The following CTNND2 variants were observed in gnomAD, a reference collection of about 807,000 sequenced individuals.
CTNND2 encodes catenin delta 2, also known as catenin delta-2.
In CTNND2, 22 loss-of-function variants were observed where a neutral mutation model predicts 144.4. The observed-to-expected ratio is 0.15, with a 90% CI of 0.11 to 0.22. The LOEUF (loss-of-function observed/expected upper bound fraction) is 0.22. Among genes scored for constraint, CTNND2 ranks in the 10% least tolerant of loss-of-function variants. CTNND2 has a pLI of 1.00. For synonymous variants in CTNND2, 751 were observed against 695.6 expected (o/e 1.08, Z -1.25); for missense variants, 1,353 against 1,618.8 (o/e 0.84, Z 2.82).
chr5:11,256,156 C>T (rs1249223804), intron 9 of CTNND2, among the ~76,000 whole-genome samples: 1 of 152,176 alleles, frequency 6.6e-6, no homozygotes, highest in Admixed American at 6.5e-5. Flanking sequence ...GCTAACTTGG[C>T]CCCATCTCCT....
At chr5:11,716,326 GA>G (rs1786349354) in intron 2 of CTNND2, among the ~76,000 whole-genome samples, 1 of 152,130 alleles carries the variant, frequency 6.6e-6, no homozygotes, top group Non-Finnish European at 1.5e-5. Context: ...ATAATTGAGG[GA>G]TGTTAACAAA....
chr5:11,265,654 CA>C (rs1745358008), intron 9 of CTNND2, among the ~76,000 whole-genome samples: 1 of 150,752 alleles, frequency 6.6e-6, no homozygotes, highest in African/African-American at 2.4e-5. Flanking sequence ...TTAAGTTGTC[CA>C]AAATCAGTTG....
At chr5:11,270,267 C>A (rs890263518) in intron 9 of CTNND2, among the ~76,000 whole-genome samples, 1 of 151,918 alleles carries the variant, frequency 6.6e-6, no homozygotes, top group Non-Finnish European at 1.5e-5. Flanking sequence ...CACACACACA[C>A]ATATATAATA....
At chr5:11,078,522 G>A (rs61750276) in intron 16 of CTNND2, among the ~76,000 whole-genome samples, 11,585 of 152,156 alleles carry the variant, frequency 0.076, 577 homozygotes, top group Non-Finnish European at 0.1. Flanking sequence ...TCCTGTCTCC[G>A]AGAGAAGACT....
intron 1 of CTNND2, among the ~76,000 whole-genome samples, chr5:11,796,047 C>T (rs1199826044): frequency 6.6e-6 from 1 of 152,202 alleles, no homozygotes; most frequent in East Asian, 1.9e-4. Flanking sequence ...CCAGCAATGG[C>T]AGGTTGAGTC....
intron 12 of CTNND2, among the ~76,000 whole-genome samples, chr5:11,149,642 C>T (rs1331034119): frequency 6.6e-6 from 1 of 152,234 alleles, no homozygotes; most frequent in South Asian, 2.1e-4. Flanking sequence ...TACGGAAAGA[C>T]AGTGAAGGAC....
intron 1 of CTNND2, among the ~76,000 whole-genome samples, chr5:11,898,735 A>G (rs1269264839): frequency 6.6e-6 from 1 of 152,212 alleles, no homozygotes. Context: ...TTATCATAAC[A>G]TGTATTTTGC....
chr5:11,851,239 A>G, intron 1 of CTNND2, among the ~76,000 whole-genome samples: 1 of 142,584 alleles, frequency 7.0e-6, no homozygotes, highest in Middle Eastern at 3.5e-3. Flanking sequence ...TTAAAATAAT[A>G]TTCATATTAT....
At chr5:11,902,516 T>A (rs1216499831) in intron 1 of CTNND2, among the ~76,000 whole-genome samples, 1 of 152,144 alleles carries the variant, frequency 6.6e-6, no homozygotes, top group Admixed American at 6.5e-5. Context: ...CAGCCCCTGA[T>A]GAAGTATGCA....
chr5:11,804,613 T>A (rs938209901), intron 1 of CTNND2, among the ~76,000 whole-genome samples: 1 of 152,148 alleles, frequency 6.6e-6, no homozygotes, highest in Non-Finnish European at 1.5e-5. Context: ...ACATACCGAA[T>A]GATTCCAATT....
intron 3 of CTNND2, among the ~76,000 whole-genome samples, chr5:11,446,775 A>T (rs1271258639): frequency 6.6e-6 from 1 of 152,296 alleles, no homozygotes; most frequent in East Asian, 1.9e-4. Context: ...GATGAGTTAC[A>T]GAAGGAGCAA....
At chr5:11,623,633 GA>G (rs2126436574) in intron 2 of CTNND2, among the ~76,000 whole-genome samples, 1 of 151,384 alleles carries the variant, frequency 6.6e-6, no homozygotes, top group East Asian at 1.9e-4. Flanking sequence ...AAAGGATGCA[GA>G]AAAATCTTCA....
chr5:11,215,096 C>T (rs947865342), intron 10 of CTNND2, among the ~76,000 whole-genome samples: 4 of 152,170 alleles, frequency 2.6e-5, no homozygotes, highest in Admixed American at 1.3e-4. Flanking sequence ...TCCATGTCAT[C>T]TTTAGACTGA....
In CTNND2 at chr5:11,903,704, C is replaced by T; in HGVS notation, c.37+113G>A. On this transcript the variant is annotated intron_variant, in intron 1 of 21. Coordinates refer to ENST00000304623, the MANE Select transcript of CTNND2 (RefSeq NM_001332.4). The surrounding 1 kb of genome is among the most constrained non-coding windows in gnomAD (Gnocchi z 5.4). ...CAGGCAGAAACCCCGCAGCAGCCGC[C>T]GCCGCCGCCTGCCGGCCGGGAGCCC... The T allele has an allele frequency of 1.8e-6, 2 of 1,140,326 alleles. No homozygotes were observed. Among genetic ancestry groups the T allele is most frequent in the Non-Finnish European group, 1.2e-6 (1 of 865,524 alleles). 70.6% of individuals were successfully genotyped at this position (1,140,326 alleles called of 1,614,324 possible).
chr5:11,218,700 T>C (rs1210904804), intron 10 of CTNND2, among the ~76,000 whole-genome samples: 4 of 152,220 alleles, frequency 2.6e-5, no homozygotes, highest in Admixed American at 1.3e-4. Flanking sequence ...TAGACCTTAA[T>C]AATCTATAAA....
intron 2 of CTNND2, among the ~76,000 whole-genome samples, chr5:11,641,528 C>T (rs765046702): frequency 6.6e-6 from 1 of 150,556 alleles, no homozygotes; most frequent in Non-Finnish European, 1.5e-5. Context: ...CACATATACA[C>T]GTATATGTAT....
intron 16 of CTNND2, among the ~76,000 whole-genome samples, chr5:11,030,458 A>G (rs71595804): frequency 0.19 from 20,853 of 110,794 alleles, 1,906 homozygotes; most frequent in Admixed American, 0.33. Context: ...CTCCAAAGTC[A>G]GTAATTTAAA....
At chr5:11,889,550 G>A (rs1428298137) in intron 1 of CTNND2, among the ~76,000 whole-genome samples, 2 of 152,106 alleles carry the variant, frequency 1.3e-5, no homozygotes. Flanking sequence ...TCTGTGTGCA[G>A]GTTTATATTT....
chr5:11,101,832 T>G (rs551577961), intron 14 of CTNND2, among the ~76,000 whole-genome samples: 320 of 151,762 alleles, frequency 2.1e-3, no homozygotes, highest in Middle Eastern at 0.01. Flanking sequence ...AGGACAGCAG[T>G]GGTGGCAATG....
Sources: allele counts gnomAD v4.1 joint callset (sites outside exome capture counted in the v4.1 genomes callset), GRCh38; gene constraint gnomAD v4.1.1; non-coding constraint Gnocchi (gnomAD v3.1); transcripts MANE v1.5; gene names NCBI Gene and HGNC (gene_info 2026-07-23, HGNC 2026-07-21).